Variants in GYS2 observed in about 807,000 individuals in gnomAD.
GYS2 encodes the protein glycogen [starch] synthase, liver.
In GYS2, 80 loss-of-function variants were observed where a neutral mutation model predicts 85.6. The observed-to-expected ratio is 0.93, with a 90% confidence interval of 0.78 to 1.13. GYS2 has a LOEUF of 1.13. Ranked by LOEUF, GYS2 falls within the 50% of genes most tolerant of loss-of-function variation. The probability of loss-of-function intolerance (pLI) is 0.00; values close to 1 mark genes in which losing one functional copy is unlikely to be tolerated. For missense variants in GYS2, 881 were observed against 854.9 expected (o/e 1.03, Z -0.38); for synonymous variants, 328 against 300.7 (o/e 1.09, Z -0.94).
At chr12:21,537,448 T>G in intron 15 of GYS2, 1 of 431,214 alleles carries the variant, frequency 2.3e-6, no homozygotes, top group Non-Finnish European at 4.2e-6. Context: ...GATAAATATG[T>G]TTTTTTCAGT....
At chr12:21,583,733 G>A (rs1263644949) in intron 1 of GYS2, among the ~76,000 whole-genome samples, 2 of 152,336 alleles carry the variant, frequency 1.3e-5, no homozygotes, top group East Asian at 3.9e-4. Flanking sequence ...ATTTGACTAT[G>A]AGTCATCAAG....
chr12:21,577,528 C>G (rs1944460203), intron 2 of GYS2, among the ~76,000 whole-genome samples: 2 of 152,182 alleles, frequency 1.3e-5, no homozygotes, highest in African/African-American at 4.8e-5. Context: ...AATGCAAGCC[C>G]TTTCTAACAT....
intron 4 of GYS2, 93 bp from the exon 5 acceptor site, chr12:21,569,102 C>T (rs994042650): frequency 3.8e-6 from 5 of 1,299,262 alleles, no homozygotes; most frequent in Admixed American, 3.4e-5. Flanking sequence ...TGGCTTACCT[C>T]AAGGCTGTGT....
intron 15 of GYS2, among the ~76,000 whole-genome samples, chr12:21,538,357 G>A (rs1943934136): frequency 1.3e-5 from 2 of 152,194 alleles, no homozygotes; most frequent in Admixed American, 6.5e-5. Context: ...TATGGTAACA[G>A]TGACCCCTGA....
chr12:21,535,227 G>A (rs983689518), downstream of GYS2: 2 of 151,036 alleles, frequency 1.3e-5, no homozygotes, highest in Admixed American at 6.6e-5. Flanking sequence ...TTACTGTGTA[G>A]GCATGTTTTC....
At chr12:21,570,972 T>C (rs1944378248) in intron 4 of GYS2, among the ~76,000 whole-genome samples, 1 of 152,252 alleles carries the variant, frequency 6.6e-6, no homozygotes, top group African/African-American at 2.4e-5. Flanking sequence ...GCCTGGTATA[T>C]GGAAAGTGCT....
chr12:21,541,403 A>T (rs920279421), intron 13 of GYS2, among the ~76,000 whole-genome samples: 2 of 151,578 alleles, frequency 1.3e-5, no homozygotes, highest in African/African-American at 2.4e-5. Context: ...TTATTCTGCC[A>T]TCTTAAACAA....
Position 21,559,073 on chromosome 12 carries a change from T to A in GYS2, c.1308+18A>T. ...TTTAATAACTATGGGACATAGTGGG[T>A]GCTTTTTTCCTTATTACCTGAGTTG... On this transcript the variant is annotated intron_variant, in intron 10 of 15. Transcript: ENST00000261195. 7.1e-7 allele frequency: 1 copy of A among 1,416,668 alleles called. No individual in the cohort carries two copies. The highest frequency in any genetic ancestry group is 1.8e-4 in the Middle Eastern group (1 of 5,476). The allele number at this position is 1,416,668 out of a possible 1,614,324, so 87.8% of individuals were successfully genotyped here.
chr12:21,540,466 G>A lies in GYS2; in HGVS notation c.1753C>T (p.Gln585Ter), dbSNP rs752819982. ...CKQSRRQRII[Q>*]RNRTERLSDL... ...GAGAGCCTCTCAGTTCTGTTCCTCT[G>A]GATAATCCTTTGGCGGCGTGACTGT... is the stretch of plus-strand genomic sequence containing the variant. Residue 585 changes from glutamine (Q) to a stop codon, truncating the protein, a stop_gained, in exon 14 of 16, where the codon CAG (glutamine) becomes TAG (stop). Coordinates refer to ENST00000261195, the MANE Select transcript of GYS2 (RefSeq NM_021957.4). LOFTEE classifies it high-confidence loss of function. 1.4e-5 allele frequency: 22 copies of A among 1,613,876 alleles called. No individual in the cohort carries two copies. Among genetic ancestry groups the A allele is most frequent in the African/African-American group, 4.0e-5 (3 of 74,888 alleles).
rs773050980 is a variant in GYS2 at position 21,559,081 on chromosome 12, T to C, written c.1308+10A>G. 6.5e-7 allele frequency: 1 copy of C among 1,530,088 alleles called. No individual in the cohort carries two copies. Among genetic ancestry groups the C allele is most frequent in the South Asian group, 1.1e-5 (1 of 88,844 alleles). 94.8% of individuals were successfully genotyped at this position (1,530,088 alleles called of 1,614,324 possible). A position where few individuals can be genotyped will look rare whatever the true frequency, so the allele number is the denominator to read the frequency against. On this transcript the variant is annotated intron_variant, in intron 10 of 15. Transcript: ENST00000261195. ...CTATGGGACATAGTGGGTGCTTTTT[T>C]CCTTATTACCTGAGTTGAAAAGATG...
intron 11 of GYS2, among the ~76,000 whole-genome samples, chr12:21,554,800 C>T (rs1468625428): frequency 6.6e-6 from 1 of 152,114 alleles, no homozygotes; most frequent in African/African-American, 2.4e-5. Flanking sequence ...GTAAGTGTTA[C>T]GTATGTTTAG....
intron 12 of GYS2, among the ~76,000 whole-genome samples, chr12:21,543,449 C>T (rs1944002442): frequency 6.6e-6 from 1 of 152,104 alleles, no homozygotes; most frequent in Non-Finnish European, 1.5e-5. Flanking sequence ...GTCTGATGAA[C>T]ATTTTGGAAC....
chr12:21,538,210 A>G lies in GYS2; in HGVS notation c.1891-1035T>C, dbSNP rs537194490. Among the ~76,000 whole-genome samples the G allele has an allele frequency of 8.5e-5, 13 of 152,360 alleles. No individual in the cohort carries two copies. In the South Asian group the frequency reaches 1.7e-3, roughly 19 times the overall value. ...TAGAATCATAAACATGAAAGTCAGA[A>G]TTTGTAGCCTGAGGGTTTAAGAAAA... On this transcript the variant is annotated intron_variant, in intron 15 of 15. Coordinates refer to ENST00000261195, the MANE Select transcript of GYS2 (RefSeq NM_021957.4).
intron 1 of GYS2, among the ~76,000 whole-genome samples, chr12:21,595,914 T>A (rs1016311617): frequency 1.3e-5 from 2 of 152,096 alleles, no homozygotes; most frequent in Non-Finnish European, 2.9e-5. Context: ...AAAAAAATAA[T>A]GGATTTAAAT....
chr12:21,552,785 C>G (rs539310526), intron 11 of GYS2, among the ~76,000 whole-genome samples: 14 of 152,262 alleles, frequency 9.2e-5, no homozygotes, highest in African/African-American at 3.1e-4. Context: ...TTTTCTCTGC[C>G]TGGTGAGTCC....
chr12:21,554,252 G>A (rs1316172895), intron 11 of GYS2, among the ~76,000 whole-genome samples: 1 of 151,972 alleles, frequency 6.6e-6, no homozygotes, highest in Non-Finnish European at 1.5e-5. Flanking sequence ...GAGAGGCAGG[G>A]AAGGAGGGAG....
chr12:21,586,206 A>T (rs1173517917), intron 1 of GYS2, among the ~76,000 whole-genome samples: 3 of 152,084 alleles, frequency 2.0e-5, no homozygotes, highest in Non-Finnish European at 4.4e-5. Flanking sequence ...GGCAGAAAAA[A>T]AACATGTGAA....
At chr12:21,554,174 G>GGGGT (rs71450724) in intron 11 of GYS2, among the ~76,000 whole-genome samples, 1 of 150,120 alleles carries the variant, frequency 6.7e-6, no homozygotes, top group Non-Finnish European at 1.5e-5. Context: ...AAGGAAGGAG[G>GGGGT]GAAGGAAAAA....
chr12:21,592,315 T>G (rs371191138), intron 1 of GYS2, among the ~76,000 whole-genome samples: 2 of 151,194 alleles, frequency 1.3e-5, no homozygotes, highest in Non-Finnish European at 3.0e-5. Flanking sequence ...TGCATGTAAA[T>G]GGATTAAATT....
Sources: allele counts gnomAD v4.1 joint callset (sites outside exome capture counted in the v4.1 genomes callset), GRCh38; gene constraint gnomAD v4.1.1; transcripts MANE v1.5; gene names NCBI Gene and HGNC (gene_info 2026-07-23, HGNC 2026-07-21).